The following KIF21B variants were observed in gnomAD, a reference collection of about 807,000 sequenced individuals.
The protein encoded by KIF21B is kinesin-like protein KIF21B.
In KIF21B, 85 loss-of-function variants were observed where a neutral mutation model predicts 192.9. The ratio of observed to expected loss-of-function variants is 0.44; its 90% CI spans 0.37 to 0.53. The LOEUF (loss-of-function observed/expected upper bound fraction) is 0.53. Ranked by LOEUF, KIF21B falls within the 20% of genes least tolerant of loss-of-function variation. The pLI, the probability that KIF21B is intolerant of heterozygous loss-of-function variation, is 0.00. For synonymous variants in KIF21B, 832 were observed against 884.6 expected (o/e 0.94, Z 1.05); for missense variants, 1,716 against 2,194.8 (o/e 0.78, Z 4.36).
rs973285152 is a variant in KIF21B, at chr1:200,999,281, G to A, written c.1885+68C>T. ...ACACCATTATCTTTGAGCAGGGCCCGACCCCACACTTGGGCACTGGCAGCC... is the reference window on the plus strand; with the variant it reads ...ACACCATTATCTTTGAGCAGGGCCCAACCCCACACTTGGGCACTGGCAGCC... On this transcript the variant is annotated intron_variant, in intron 13 of 34. Transcript: ENST00000461742. This position sits in a 1 kb window ranked among gnomAD's most constrained non-coding sequence, Gnocchi z 4.7. The A allele has an allele frequency of 3.1e-5, 49 of 1,595,616 alleles. No individual in the cohort carries two copies. Among genetic ancestry groups the A allele is most frequent in the Non-Finnish European group, 3.9e-5 (45 of 1,164,522 alleles).
chr1:201,003,407 A>G, intron 8 of KIF21B, 179 bp downstream of exon 8: 2 of 658,946 alleles, frequency 3.0e-6, no homozygotes, highest in Admixed American at 4.4e-5. Context: ...GTGAGTCCCT[A>G]ATAGTAAGCA....
In KIF21B at chr1:200,970,164, G is replaced by C. The variant is rs1408751564; in HGVS notation, c.*3357C>G. On this transcript the variant is annotated 3_prime_UTR_variant, in exon 35 of 35. Transcript: ENST00000461742. ...CAGAGCTGAGAGCTAGCAGGGCAAAGAAGTGTTATGTTCCCTAACGTCACT... is the reference window on the plus strand; with the variant it reads ...CAGAGCTGAGAGCTAGCAGGGCAAACAAGTGTTATGTTCCCTAACGTCACT... 1 of 152,910 alleles carries C rather than the reference G, an allele frequency of 6.5e-6. No homozygotes were observed. The highest frequency in any genetic ancestry group is 1.5e-5 in the Non-Finnish European group (1 of 68,104). 9.5% of individuals were successfully genotyped at this position (152,910 alleles called of 1,614,324 possible).
chr1:200,986,700 T>C (rs1263681173), intron 26 of KIF21B, 144 bp downstream of exon 26: 13 of 699,806 alleles, frequency 1.9e-5, no homozygotes, highest in South Asian at 9.3e-5. Context: ...AAGGGACCAC[T>C]GGGTGAACCT....
chr1:201,007,559 C>T (rs1657965814), intron 3 of KIF21B, among the ~76,000 whole-genome samples: 1 of 150,990 alleles, frequency 6.6e-6, no homozygotes, highest in African/African-American at 2.4e-5. Flanking sequence ...CACACACAAA[C>T]ACAGAGACAC....
rs1658587375 is a variant in KIF21B, at chr1:201,017,702, C to T, written c.41+5641G>A. On this transcript the variant is annotated intron_variant, in intron 1 of 34. Coordinates refer to ENST00000461742, the MANE Select transcript of KIF21B (RefSeq NM_001252102.2). The surrounding 1 kb of genome is among the most constrained non-coding windows in gnomAD (Gnocchi z 4.1). ...CACCACACCGGCCCTGGCCCCCTGC[C>T]CACACTGCATGCAGGACAGCTCTCC... Among the ~76,000 whole-genome samples the T allele has an allele frequency of 6.6e-6, 1 of 152,198 alleles. No individual in the cohort carries two copies. Among genetic ancestry groups the T allele is most frequent in the African/African-American group, 2.4e-5 (1 of 41,450 alleles).
rs778411234 is a variant in KIF21B at position 200,990,040 on chromosome 1, C to T, written c.3034G>A (p.Glu1012Lys). 1.2e-6 allele frequency: 2 copies of T among 1,613,782 alleles called. No homozygotes were observed. Among genetic ancestry groups the T allele is most frequent in the Non-Finnish European group, 8.5e-7 (1 of 1,179,912 alleles). ...TIVQLEETKEELDSTDTSVVI... is the reference protein window; with the variant it reads ...TIVQLEETKEKLDSTDTSVVI... ...ACGGATGTGTCTGTGGAGTCCAGCT[C>T]CTCCTAGGACCGGGAGGCAGAGAGC... is the stretch of plus-strand genomic sequence containing the variant. Residue 1012 changes from glutamate (E) to lysine (K), a missense_variant, in exon 21 of 35, where the codon GAG becomes AAG. Physicochemically the swap from Glu to Lys is moderately conservative, Grantham distance 56. Transcript: ENST00000461742. The surrounding 1 kb of genome is among the most constrained non-coding windows in gnomAD (Gnocchi z 5.4).
At position 200,977,235 on chromosome 1, in the gene KIF21B, G is replaced by A. The variant is rs543971953; in HGVS notation, c.4302C>T (p.Ala1434=). 54 of 1,613,206 alleles carry A rather than the reference G, an allele frequency of 3.3e-5. No homozygotes were observed. The African/African-American group carries it at 3.7e-4, about 11-fold the overall frequency. The change falls in exon 31 of 35, where the codon GCC becomes GCT. Residue 1434 remains alanine, a synonymous_variant. Coordinates refer to ENST00000461742, the MANE Select transcript of KIF21B (RefSeq NM_001252102.2). ...ACCTGCTAAGCTCCCAGATGCGGAC[G>A]GCATTGCCCGAGGCGGCGTACAGCA... ...GTMLYAASGN[A]VRIWELSRFQ...
intron 31 of KIF21B, 48 bp downstream of exon 31, chr1:200,977,164 T>G (rs374809561): frequency 5.1e-6 from 8 of 1,571,668 alleles, no homozygotes; most frequent in Middle Eastern, 1.7e-4. Context: ...CCTGGGGACC[T>G]TGCCTGGGAA....
In KIF21B at chr1:201,023,573, G is replaced by A. The variant is rs185073142; in HGVS notation, c.-190C>T. On this transcript the variant is annotated 5_prime_UTR_variant, in exon 1 of 35. Coordinates refer to ENST00000461742, the MANE Select transcript of KIF21B (RefSeq NM_001252102.2). This position sits in a 1 kb window ranked among gnomAD's most constrained non-coding sequence, Gnocchi z 5.9. ...GCTCACCCGCGGCCGGCCCCCCGGG[G>A]CTGGGCCCGCGCGCCTCCTCGCGCC... 0.036 allele frequency: 5,741 copies of A among 160,728 alleles called. 233 individuals are homozygous for A. The highest frequency in any genetic ancestry group is 0.12 in the East Asian group (610 of 5,222). The allele number at this position is 160,728 out of a possible 1,614,324, so 10.0% of individuals were successfully genotyped here.
In KIF21B at chr1:201,023,450, G is replaced by T; in HGVS notation, c.-67C>A. ...GGTCTGGGGGCCAATGCCCGAGGCA[G>T]CGGCTGCGGCTGCGGGAGGCGGGGG... On this transcript the variant is annotated 5_prime_UTR_variant, in exon 1 of 35. In the 5' UTR this introduces an upstream ATG that the reference lacks. Coordinates refer to ENST00000461742, the MANE Select transcript of KIF21B (RefSeq NM_001252102.2). This position sits in a 1 kb window ranked among gnomAD's most constrained non-coding sequence, Gnocchi z 5.9. 2 of 1,188,540 alleles carry T rather than the reference G, an allele frequency of 1.7e-6. No homozygotes were observed. The highest frequency in any genetic ancestry group is 2.2e-6 in the Non-Finnish European group (2 of 927,922). The allele number at this position is 1,188,540 out of a possible 1,614,324, so 73.6% of individuals were successfully genotyped here.
At position 200,999,758 on chromosome 1, in the gene KIF21B, G is replaced by C. The variant is rs1657344762; in HGVS notation, c.1767+125C>G. 3 of 999,272 alleles carry C rather than the reference G, an allele frequency of 3.0e-6. No homozygotes were observed. The highest frequency in any genetic ancestry group is 1.8e-5 in the Admixed American group (1 of 56,638). 61.9% of individuals were successfully genotyped at this position (999,272 alleles called of 1,614,324 possible). On this transcript the variant is annotated intron_variant, in intron 12 of 34. Coordinates refer to ENST00000461742, the MANE Select transcript of KIF21B (RefSeq NM_001252102.2). The surrounding 1 kb of genome is among the most constrained non-coding windows in gnomAD (Gnocchi z 4.7). ...AGTCAGAGATATAAGGAAGTACAAG[G>C]ATCAACTGGATGCAGACCCAACCGC...
intron 9 of KIF21B, among the ~76,000 whole-genome samples, chr1:201,001,229 A>G (rs565983607): frequency 2.7e-4 from 41 of 152,308 alleles, no homozygotes; most frequent in Admixed American, 1.4e-3. Context: ...AAAGAAATCT[A>G]TAGAAAAAAT....
chr1:200,981,191 G>A, intron 28 of KIF21B, 95 bp from the exon 29 acceptor site: 1 of 1,361,296 alleles, frequency 7.3e-7, no homozygotes, highest in Non-Finnish European at 9.8e-7. Context: ...GACAGGGCAG[G>A]GAGGGGATGA....
Position 201,023,269 on chromosome 1 carries a change from C to G in KIF21B, c.41+74G>C. 1 of 1,339,210 alleles carries G rather than the reference C, an allele frequency of 7.5e-7. No homozygotes were observed. Among genetic ancestry groups the G allele is most frequent in the Non-Finnish European group, 1.0e-6 (1 of 994,444 alleles). The allele number at this position is 1,339,210 out of a possible 1,614,324, so 83.0% of individuals were successfully genotyped here. ...GCTCCAGCCCAAGCGGTGCTCGCGC[C>G]CCCCGCCCAAAGCCCACGCGAGACA... On this transcript the variant is annotated intron_variant, in intron 1 of 34. Transcript: ENST00000461742. The surrounding 1 kb of genome is among the most constrained non-coding windows in gnomAD (Gnocchi z 5.9).
At chr1:200,996,087 A>G (rs1184390509) in intron 15 of KIF21B, 109 bp downstream of exon 15, 3 of 1,129,664 alleles carry the variant, frequency 2.7e-6, no homozygotes, top group African/African-American at 1.5e-5. Context: ...CTGTGTGTTG[A>G]GAAGAGAATC....
chr1:200,976,098 C>A (rs1655533851), intron 32 of KIF21B, among the ~76,000 whole-genome samples: 1 of 152,130 alleles, frequency 6.6e-6, no homozygotes, highest in African/African-American at 2.4e-5. Flanking sequence ...TTTCCAGTTT[C>A]TTTTTTGTTG....
At chr1:201,009,605 G>T in intron 1 of KIF21B, 117 bp from the exon 2 acceptor site, 1 of 982,526 alleles carries the variant, frequency 1.0e-6, no homozygotes, top group Non-Finnish European at 1.5e-6. Flanking sequence ...GGAAAAGGAA[G>T]GAAGCTTAGG....
In KIF21B at chr1:200,990,457, G is replaced by C; in HGVS notation, c.2835+119C>G. ...CCCCCCAGCACCTCTGGATTCCAGA[G>C]CAGGCAAAAGGAGCAGAGGGAAGTG... On this transcript the variant is annotated intron_variant, in intron 19 of 34. Transcript: ENST00000461742. This position sits in a 1 kb window ranked among gnomAD's most constrained non-coding sequence, Gnocchi z 5.4. The C allele has an allele frequency of 6.8e-7, 1 of 1,480,270 alleles. No homozygotes were observed. The highest frequency in any genetic ancestry group is 9.2e-7 in the Non-Finnish European group (1 of 1,087,510). 91.7% of individuals were successfully genotyped at this position (1,480,270 alleles called of 1,614,324 possible).
rs745918277 is a variant in KIF21B at position 200,981,081 on chromosome 1, C to G, written c.3858G>C (p.Pro1286=). 1.1e-5 allele frequency: 18 copies of G among 1,591,838 alleles called. No homozygotes were observed. The highest frequency in any genetic ancestry group is 1.4e-5 in the Non-Finnish European group (16 of 1,173,052). Residue 1286 remains proline (P), a synonymous_variant, in exon 29 of 35, where the codon CCG becomes CCC. Transcript: ENST00000461742. The stretch of plus-strand genomic sequence containing the variant: ...TCCGTGCACCCTTGGCTCCTCCAAC[C>G]GGGGAGATGATGCCCCTTCCCGGGA... ...LSEVLRGIIS[P]VGGAKGARTA...
Sources: allele counts gnomAD v4.1 joint callset (sites outside exome capture counted in the v4.1 genomes callset), GRCh38; gene constraint gnomAD v4.1.1; non-coding constraint Gnocchi (gnomAD v3.1); transcripts MANE v1.5; gene names NCBI Gene and HGNC (gene_info 2026-07-23, HGNC 2026-07-21).